Variants in SPIDR observed in about 807,000 individuals in gnomAD.
The protein encoded by SPIDR is DNA repair-scaffolding protein.
A neutral mutation model predicts 104.6 loss-of-function variants in SPIDR; 93 were observed. That is an observed-to-expected ratio of 0.89 (90% CI 0.75 to 1.06). The LOEUF is 1.06. Among genes scored for constraint, SPIDR ranks in the 50% least tolerant of loss-of-function variants. The pLI is 0.00. For synonymous variants in SPIDR, 431 were observed against 416.9 expected, an observed-to-expected ratio of 1.03 and a Z score of -0.41; for missense variants, 1,154 against 1,111.2, an observed-to-expected ratio of 1.04 and a Z score of -0.55.
intron 1 of SPIDR, among the ~76,000 whole-genome samples, chr8:47,265,243 G>C (rs1375798905): frequency 6.8e-6 from 1 of 147,398 alleles, no homozygotes; most frequent in Non-Finnish European, 1.5e-5. Context: ...AGGCTGGGGT[G>C]CAGGGGTGCT....
At chr8:47,677,594 T>C (rs771589279) in intron 11 of SPIDR, among the ~76,000 whole-genome samples, 4 of 152,228 alleles carry the variant, frequency 2.6e-5, no homozygotes, top group Non-Finnish European at 5.9e-5. Flanking sequence ...ATTTTGTCAA[T>C]ACTCAGTGTC....
intron 8 of SPIDR, among the ~76,000 whole-genome samples, chr8:47,529,384 C>T (rs982968262): frequency 1.1e-4 from 16 of 151,720 alleles, no homozygotes; most frequent in African/African-American, 2.9e-4. Context: ...CATCACTGCA[C>T]GCCTGGGCAA....
At chr8:47,566,007 T>A (rs1246575977) in intron 8 of SPIDR, among the ~76,000 whole-genome samples, 12 of 98,460 alleles carry the variant, frequency 1.2e-4, no homozygotes, top group Admixed American at 6.1e-4. Flanking sequence ...TTTTTTTTTT[T>A]TTTTTTTTTT....
chr8:47,575,360 C>A (rs545339725), intron 8 of SPIDR, among the ~76,000 whole-genome samples: 1 of 152,230 alleles, frequency 6.6e-6, no homozygotes, highest in Admixed American at 6.5e-5. Context: ...AAGAAAAAAG[C>A]TGGCCGGGCG....
chr8:47,538,198 G>A (rs1215108472), intron 8 of SPIDR, among the ~76,000 whole-genome samples: 1 of 151,808 alleles, frequency 6.6e-6, no homozygotes, highest in African/African-American at 2.4e-5. Flanking sequence ...AGAAAAAATA[G>A]GAGTTCCCAG....
intron 10 of SPIDR, among the ~76,000 whole-genome samples, chr8:47,633,324 A>G (rs541604338): frequency 6.4e-4 from 97 of 152,218 alleles, no homozygotes; most frequent in African/African-American, 2.3e-3. Context: ...GGAAGTCAAG[A>G]CAAGGAAGTG....
chr8:47,568,341 A>G (rs895481590), intron 8 of SPIDR, among the ~76,000 whole-genome samples: 1 of 152,212 alleles, frequency 6.6e-6, no homozygotes, highest in South Asian at 2.1e-4. Context: ...TACTTGGCAC[A>G]GACTAAGTAC....
chr8:47,553,676 G>A (rs1337117056), intron 8 of SPIDR, among the ~76,000 whole-genome samples: 1 of 152,066 alleles, frequency 6.6e-6, no homozygotes, highest in Non-Finnish European at 1.5e-5. Context: ...TAGCTTCTTT[G>A]CGATGGGTTC....
intron 7 of SPIDR, among the ~76,000 whole-genome samples, chr8:47,420,219 A>G (rs1554678974): frequency 2.0e-5 from 3 of 152,130 alleles, no homozygotes; most frequent in African/African-American, 7.2e-5. Flanking sequence ...GTGGGGTTTT[A>G]AAGCCTCCCA....
chr8:47,335,321 A>G (rs2049484317), intron 5 of SPIDR, among the ~76,000 whole-genome samples: 1 of 152,276 alleles, frequency 6.6e-6, no homozygotes, highest in South Asian at 2.1e-4. Context: ...AAGTGACTCA[A>G]TTTTTGTTCA....
In SPIDR at chr8:47,510,986, T is replaced by C. The variant is rs1162348077; in HGVS notation, c.1097+70444T>C. ...GATGATCCCCATGGGGCATGGCCACTGGCTGTGAGAAACACAGGAGAGAGG... is the reference window on the plus strand; with the variant it reads ...GATGATCCCCATGGGGCATGGCCACCGGCTGTGAGAAACACAGGAGAGAGG... On this transcript the variant is annotated intron_variant, in intron 8 of 19. Coordinates refer to ENST00000297423, the MANE Select transcript of SPIDR (RefSeq NM_001080394.4). 7.4e-6 allele frequency: 5 copies of C among 673,554 alleles called. No homozygotes were observed. In the Admixed American group the frequency reaches 8.6e-5, roughly 12 times the overall value. The allele number at this position is 673,554 out of a possible 1,614,324, so 41.7% of individuals were successfully genotyped here.
intron 7 of SPIDR, among the ~76,000 whole-genome samples, chr8:47,433,444 A>T (rs2154340377): frequency 6.6e-6 from 1 of 151,248 alleles, no homozygotes; most frequent in South Asian, 2.1e-4. Context: ...TTCTGAACTG[A>T]TTCGATCTTC....
At chr8:47,356,710 C>T (rs1260040515) in intron 5 of SPIDR, among the ~76,000 whole-genome samples, 5 of 150,362 alleles carry the variant, frequency 3.3e-5, no homozygotes, top group African/African-American at 1.2e-4. Context: ...ATTGCACAGA[C>T]AGCACATTTG....
chr8:47,558,085 G>T (rs558938661), intron 8 of SPIDR, among the ~76,000 whole-genome samples: 1 of 152,292 alleles, frequency 6.6e-6, no homozygotes, highest in East Asian at 1.9e-4. Context: ...TCACTTGTTA[G>T]TAGAAGCTAA....
chr8:47,553,412 G>C (rs987076187), intron 8 of SPIDR, among the ~76,000 whole-genome samples: 1 of 152,070 alleles, frequency 6.6e-6, no homozygotes, highest in African/African-American at 2.4e-5. Flanking sequence ...TTTTCACATA[G>C]TCCCATATTT....
At chr8:47,447,225 T>G (rs2070818131) in intron 8 of SPIDR, among the ~76,000 whole-genome samples, 1 of 151,946 alleles carries the variant, frequency 6.6e-6, no homozygotes, top group African/African-American at 2.4e-5. Context: ...TTTTGTTTTG[T>G]TTTTTTGAGA....
At chr8:47,290,425 G>A (rs1000565870) in intron 3 of SPIDR, among the ~76,000 whole-genome samples, 2 of 152,160 alleles carry the variant, frequency 1.3e-5, no homozygotes, top group Non-Finnish European at 2.9e-5. Flanking sequence ...GACTGGATCA[G>A]TGTCAGTATC....
chr8:47,426,610 T>C (rs1324953353), intron 7 of SPIDR, among the ~76,000 whole-genome samples: 1 of 152,242 alleles, frequency 6.6e-6, no homozygotes, highest in African/African-American at 2.4e-5. Context: ...TTAATAACTG[T>C]CTTAGTCTGT....
chr8:47,424,567 C>T (rs1354047833), intron 7 of SPIDR, among the ~76,000 whole-genome samples: 2 of 152,200 alleles, frequency 1.3e-5, no homozygotes, highest in Non-Finnish European at 2.9e-5. Context: ...AACCTCCCTT[C>T]TCAGTCTCCC....
Sources: gnomAD v4.1 joint callset for allele counts (sites outside exome capture counted in the v4.1 genomes callset) on GRCh38, gnomAD v4.1.1 for gene constraint, MANE v1.5 for transcripts, NCBI Gene and HGNC (gene_info 2026-07-23, HGNC 2026-07-21) for gene names.